AP3B2: variants seen among roughly 807,000 people sequenced by gnomAD.
The protein encoded by AP3B2 is adaptor related protein complex 3 subunit beta 2, also known as AP-3 complex subunit beta-2.
AP3B2 carries 50 observed loss-of-function variants against 126.9 expected under a neutral mutation model. The ratio of observed to expected loss-of-function variants is 0.39; its 90% CI spans 0.31 to 0.50. The LOEUF (loss-of-function observed/expected upper bound fraction) is 0.50. Among genes scored for constraint, AP3B2 ranks in the 20% least tolerant of loss-of-function variants. The pLI, the probability that AP3B2 is intolerant of heterozygous loss-of-function variation, is 0.79. For synonymous variants in AP3B2, 541 were observed against 565.0 expected, an observed-to-expected ratio of 0.96 and a Z score of 0.60; for missense variants, 1,177 against 1,426.4, an observed-to-expected ratio of 0.83 and a Z score of 2.82.
intron 14 of AP3B2, among the ~76,000 whole-genome samples, chr15:82,673,949 C>G (rs1304424492): frequency 6.6e-6 from 1 of 152,206 alleles, no homozygotes; most frequent in Non-Finnish European, 1.5e-5. Flanking sequence ...ACCTGCTAGG[C>G]AGTTTCCCCA....
At position 82,699,322 on chromosome 15, in the gene AP3B2, C is replaced by T. The variant is rs145460091; in HGVS notation, c.114-9869G>A. 6.7e-4 allele frequency: 148 copies of T among 221,024 alleles called. 1 individual carries two copies. The East Asian group carries it at 0.01, about 15-fold the overall frequency. 13.7% of individuals were successfully genotyped at this position (221,024 alleles called of 1,614,324 possible). ...TGTGCTGTATCCTGTCCCCAAACCTCGTCCAGAGCCCACTCCAGTGGGGGC... is the reference window on the plus strand; with the variant it reads ...TGTGCTGTATCCTGTCCCCAAACCTTGTCCAGAGCCCACTCCAGTGGGGGC... On this transcript the variant is annotated intron_variant, in intron 1 of 26. Coordinates refer to ENST00000535359, the MANE Select transcript of AP3B2 (RefSeq NM_001278512.2).
intron 1 of AP3B2, chr15:82,692,006 T>C: frequency 6.8e-7 from 1 of 1,462,436 alleles, no homozygotes; most frequent in Non-Finnish European, 9.5e-7. Context: ...CATGTGATCC[T>C]TCAGGTCCTG....
Position 82,664,100 on chromosome 15 carries a change from G to C in AP3B2, c.2262-125C>G. On this transcript the variant is annotated intron_variant, in intron 19 of 26. Transcript: ENST00000535359. The surrounding 1 kb of genome is among the most constrained non-coding windows in gnomAD (Gnocchi z 4.5). ...GCCTGAGCCAGGAGGGTTCACACCT[G>C]AGGTCCTATAGCAGGGACCCCGTGA... is the stretch of plus-strand genomic sequence containing the variant. 1 of 1,430,666 alleles carries C rather than the reference G, an allele frequency of 7.0e-7. No homozygotes were observed. Among genetic ancestry groups the C allele is most frequent in the South Asian group, 1.5e-5 (1 of 68,924 alleles). The allele number at this position is 1,430,666 out of a possible 1,614,324, so 88.6% of individuals were successfully genotyped here.
chr15:82,663,008 TGG>T, intron 22 of AP3B2, 86 bp from the exon 23 acceptor site: 1 of 1,519,008 alleles, frequency 6.6e-7, no homozygotes, highest in Non-Finnish European at 9.0e-7. Context: ...ATCCAGCAGC[TGG>T]GACTCAAAGC....
rs751201827 is a variant in AP3B2 at position 82,681,373 on chromosome 15, C to T, written c.521+47G>A. ...GGAAAGGCCAGGGGTGGGTTGAGAA[C>T]TTAGGAACCAGCCTCCTGGGGAGCG... is the stretch of plus-strand genomic sequence containing the variant. On this transcript the variant is annotated intron_variant, in intron 5 of 26. Coordinates refer to ENST00000535359, the MANE Select transcript of AP3B2 (RefSeq NM_001278512.2). This position sits in a 1 kb window ranked among gnomAD's most constrained non-coding sequence, Gnocchi z 4.0. The T allele has an allele frequency of 6.2e-7, 1 of 1,605,250 alleles. No individual in the cohort carries two copies. The highest frequency in any genetic ancestry group is 8.5e-7 in the Non-Finnish European group (1 of 1,175,176).
At chr15:82,688,698 G>T (rs1267290016) in intron 4 of AP3B2, 38 bp downstream of exon 4, 1 of 1,562,160 alleles carries the variant, frequency 6.4e-7, no homozygotes, top group South Asian at 1.2e-5. Context: ...CAGCGCCAAC[G>T]AGGCCCAGGC....
intron 1 of AP3B2, among the ~76,000 whole-genome samples, chr15:82,695,095 C>CTTTTTTTTTTTT (rs747831776): frequency 7.4e-6 from 1 of 134,816 alleles, no homozygotes; most frequent in Non-Finnish European, 1.6e-5. Flanking sequence ...TTCTTTCTTT[C>CTTTTTTTTTTTT]TTTTTTTTTT....
chr15:82,681,295 A>G lies in AP3B2; in HGVS notation c.522-117T>C. ...CTTATTGTTCTCCTCCATCTCTGTC[A>G]GTCCCCCAAACTACCCTCCTCAAAC... On this transcript the variant is annotated intron_variant, in intron 5 of 26. Coordinates refer to ENST00000535359, the MANE Select transcript of AP3B2 (RefSeq NM_001278512.2). This position sits in a 1 kb window ranked among gnomAD's most constrained non-coding sequence, Gnocchi z 4.0. The G allele has an allele frequency of 1.3e-6, 2 of 1,519,892 alleles. No individual in the cohort carries two copies. The highest frequency in any genetic ancestry group is 1.2e-5 in the South Asian group (1 of 81,442). 94.2% of individuals were successfully genotyped at this position (1,519,892 alleles called of 1,614,324 possible).
chr15:82,698,473 C>T (rs898099821), intron 1 of AP3B2, among the ~76,000 whole-genome samples: 1 of 151,808 alleles, frequency 6.6e-6, no homozygotes, highest in African/African-American at 2.4e-5. Flanking sequence ...ACACACACAC[C>T]CCACACACGT....
At chr15:82,689,572 G>A (rs2048489075) in intron 1 of AP3B2, 119 bp from the exon 2 acceptor site, 11 of 866,392 alleles carry the variant, frequency 1.3e-5, no homozygotes, top group East Asian at 5.3e-5. Flanking sequence ...GACCTGACCC[G>A]AGGAGGGACC....
intron 4 of AP3B2, chr15:82,686,798 T>G (rs1567268852): frequency 6.6e-6 from 1 of 152,164 alleles, no homozygotes. Context: ...CTCGGCTCAT[T>G]GCAACCTCTG....
intron 14 of AP3B2, among the ~76,000 whole-genome samples, chr15:82,670,113 GGC>G (rs1216105442): frequency 2.0e-4 from 3 of 15,222 alleles, no homozygotes; most frequent in South Asian, 1.7e-3. Flanking sequence ...TTTTTTTTTT[GGC>G]GGGGGGGGAC....
At chr15:82,691,303 A>T (rs2048528268) in intron 1 of AP3B2, among the ~76,000 whole-genome samples, 1 of 152,172 alleles carries the variant, frequency 6.6e-6, no homozygotes, top group Non-Finnish European at 1.5e-5. Context: ...TTGCCATTCT[A>T]ACTGGTGTGA....
chr15:82,678,220 C>CTGCTT (rs1274393240), intron 10 of AP3B2, 53 bp from the exon 11 acceptor site: 1 of 1,538,452 alleles, frequency 6.5e-7, no homozygotes, highest in Non-Finnish European at 9.0e-7. Flanking sequence ...AGTGGACTTT[C>CTGCTT]TGTGCTTTCA....
At chr15:82,671,974 G>C (rs2048166750) in intron 14 of AP3B2, among the ~76,000 whole-genome samples, 1 of 152,060 alleles carries the variant, frequency 6.6e-6, no homozygotes. Context: ...AACCTGGGAG[G>C]CGGAGGTTGC....
chr15:82,661,917 T>C lies in AP3B2; in HGVS notation c.2924A>G (p.Gln975Arg). 1 of 1,613,708 alleles carries C rather than the reference T, an allele frequency of 6.2e-7. No individual in the cohort carries two copies. Among genetic ancestry groups the C allele is most frequent in the Non-Finnish European group, 8.5e-7 (1 of 1,179,756 alleles). The change falls in exon 25 of 27, where the codon CAG becomes CGG. Residue 975 changes from glutamine (Q) to arginine (R), a missense_variant. Gln to Arg is a conservative substitution (Grantham distance 43). Transcript: ENST00000535359. ...TQAANFQLCTQTRQFYVSIQP... is the reference protein window; with the variant it reads ...TQAANFQLCTRTRQFYVSIQP... The stretch of plus-strand genomic sequence containing the variant: ...AATGGAGACGTAGAACTGTCGGGTC[T>C]GGGTGCTGGGAGGGGTGGGAGGAAA...
At chr15:82,661,004 C>CTGAAGGTCTTAGGTAACTGTGGTT (rs1224444935) in intron 25 of AP3B2, among the ~76,000 whole-genome samples, 1 of 152,166 alleles carries the variant, frequency 6.6e-6, no homozygotes, top group East Asian at 1.9e-4. Context: ...TATGCTGACT[C>CTGAAGGTCTTAGGTAACTGTGGTT]TGAAGGTCTT....
At position 82,662,736 on chromosome 15, in the gene AP3B2, T is replaced by C; in HGVS notation, c.2791A>G (p.Lys931Glu). The change falls in exon 23 of 27, where the codon AAA becomes GAA. Residue 931 changes from lysine (K) to glutamate (E), a missense_variant. Physicochemically the swap from Lys to Glu is moderately conservative, Grantham distance 56. Coordinates refer to ENST00000535359, the MANE Select transcript of AP3B2 (RefSeq NM_001278512.2). ...PIKGLHVGTP[K>E]LPAGISIQEF... ...TGGATGCTGATGCCAGCAGGCAGTT[T>C]GGGAGTGCCCACATGCAGGCCCTTG... 1.2e-6 allele frequency: 2 copies of C among 1,613,880 alleles called. No homozygotes were observed. The highest frequency in any genetic ancestry group is 1.7e-6 in the Non-Finnish European group (2 of 1,179,834).
intron 1 of AP3B2, 119 bp downstream of exon 1, chr15:82,709,475 C>T (rs1296260412): frequency 3.4e-6 from 2 of 593,558 alleles, no homozygotes. Flanking sequence ...GGGCGGGCTT[C>T]CGGTCGGCGC....
Sources: allele counts gnomAD v4.1 joint callset (sites outside exome capture counted in the v4.1 genomes callset), GRCh38; gene constraint gnomAD v4.1.1; non-coding constraint Gnocchi (gnomAD v3.1); transcripts MANE v1.5; gene names NCBI Gene and HGNC (gene_info 2026-07-23, HGNC 2026-07-21).